Variants in SMYD3 observed in about 807,000 individuals in gnomAD.
SMYD3 encodes SET and MYND domain containing 3, also known as histone-lysine N-methyltransferase SMYD3.
Under a neutral mutation model 57.7 loss-of-function variants are expected in SMYD3, and 36 were observed. The ratio of observed to expected loss-of-function variants is 0.62; its 90% CI spans 0.48 to 0.82. The LOEUF is 0.82. Among genes scored for constraint, SMYD3 ranks in the 40% least tolerant of loss-of-function variants. The probability of loss-of-function intolerance (pLI) is 0.00; values close to 1 mark genes in which losing one functional copy is unlikely to be tolerated. For synonymous variants in SMYD3, 211 were observed against 195.0 expected, an observed-to-expected ratio of 1.08 and a Z score of -0.68; for missense variants, 515 against 538.8, an observed-to-expected ratio of 0.96 and a Z score of 0.44.
intron 5 of SMYD3, among the ~76,000 whole-genome samples, chr1:246,307,644 C>T (rs2065007779): frequency 6.6e-6 from 1 of 152,072 alleles, no homozygotes; most frequent in Admixed American, 6.5e-5. Context: ...TGGTCTCGAT[C>T]TCCTGACCTC....
chr1:245,855,283 ATG>A (rs2051181625), intron 10 of SMYD3, among the ~76,000 whole-genome samples: 2 of 150,800 alleles, frequency 1.3e-5, no homozygotes, highest in African/African-American at 4.9e-5. Context: ...TTTTAAAACA[ATG>A]TGCTCAATTT....
chr1:246,023,004 G>A (rs192019614), intron 5 of SMYD3, among the ~76,000 whole-genome samples: 2 of 152,276 alleles, frequency 1.3e-5, no homozygotes, highest in African/African-American at 2.4e-5. Flanking sequence ...TAGACTGTAC[G>A]ATTTTTAAGC....
At chr1:246,439,030 T>C (rs1179231955) in intron 1 of SMYD3, among the ~76,000 whole-genome samples, 1 of 147,454 alleles carries the variant, frequency 6.8e-6, no homozygotes, top group African/African-American at 2.5e-5. Flanking sequence ...TGGGGACCCC[T>C]GACTATGCTA....
chr1:246,174,746 C>T (rs778099522), intron 5 of SMYD3, among the ~76,000 whole-genome samples: 9 of 152,232 alleles, frequency 5.9e-5, no homozygotes, highest in Non-Finnish European at 1.2e-4. Context: ...TGCATGACTA[C>T]ATTTGTTTCT....
At chr1:246,442,850 G>C (rs2067490744) in intron 1 of SMYD3, among the ~76,000 whole-genome samples, 1 of 152,086 alleles carries the variant, frequency 6.6e-6, no homozygotes, top group Non-Finnish European at 1.5e-5. Context: ...TTGGGAGCCA[G>C]ACTCTGGTAA....
intron 5 of SMYD3, among the ~76,000 whole-genome samples, chr1:246,232,150 G>A (rs201816546): frequency 3.4e-5 from 4 of 116,124 alleles, no homozygotes; most frequent in Non-Finnish European, 7.2e-5. Flanking sequence ...AAATCCAATG[G>A]AAGCTCTTTT....
At chr1:246,481,666 A>ATATATATAAACTCATATATGAG (rs1473245325) in intron 1 of SMYD3, among the ~76,000 whole-genome samples, 8 of 140,726 alleles carry the variant, frequency 5.7e-5, no homozygotes, top group Non-Finnish European at 1.2e-4. Context: ...ATATATAATT[A>ATATATATAAACTCATATATGAG]TATATATAAA....
intron 10 of SMYD3, among the ~76,000 whole-genome samples, chr1:245,854,188 C>A (rs75990922): frequency 3.9e-5 from 6 of 152,134 alleles, no homozygotes; most frequent in Non-Finnish European, 5.9e-5. Context: ...TCAGAAACAA[C>A]GGAAGTCAAC....
intron 5 of SMYD3, among the ~76,000 whole-genome samples, chr1:246,034,174 G>C (rs2059729239): frequency 6.6e-6 from 1 of 152,212 alleles, no homozygotes; most frequent in African/African-American, 2.4e-5. Context: ...CATCCTAGTA[G>C]ATTTTTATTT....
chr1:245,985,530 A>C (rs1207143251), intron 5 of SMYD3, among the ~76,000 whole-genome samples: 2 of 152,104 alleles, frequency 1.3e-5, no homozygotes, highest in African/African-American at 2.4e-5. Flanking sequence ...CTTACGTCTC[A>C]AGCACAATCA....
At chr1:246,221,260 C>A (rs1195133602) in intron 5 of SMYD3, among the ~76,000 whole-genome samples, 4 of 152,146 alleles carry the variant, frequency 2.6e-5, no homozygotes, top group Non-Finnish European at 4.4e-5. Flanking sequence ...ACGGAGAGGA[C>A]CTGCCCACTG....
intron 7 of SMYD3, among the ~76,000 whole-genome samples, chr1:245,927,020 T>G (rs996936756): frequency 2.9e-4 from 44 of 152,336 alleles, no homozygotes; most frequent in African/African-American, 9.1e-4. Context: ...CAAAGCCAAA[T>G]CCCTGTCTAC....
At chr1:246,038,079 C>A (rs997604220) in intron 5 of SMYD3, among the ~76,000 whole-genome samples, 1 of 152,132 alleles carries the variant, frequency 6.6e-6, no homozygotes, top group East Asian at 1.9e-4. Flanking sequence ...CAGATATGGG[C>A]CTTGGGCTGT....
intron 1 of SMYD3, among the ~76,000 whole-genome samples, chr1:246,433,153 A>T (rs1006862835): frequency 4.6e-5 from 7 of 152,222 alleles, no homozygotes; most frequent in African/African-American, 1.7e-4. Flanking sequence ...TACAAAAATC[A>T]GCATTTCTAT....
At chr1:246,155,924 T>G (rs1402539928) in intron 5 of SMYD3, among the ~76,000 whole-genome samples, 1 of 152,094 alleles carries the variant, frequency 6.6e-6, no homozygotes, top group Non-Finnish European at 1.5e-5. Flanking sequence ...GAGGCTGAGG[T>G]TGCAATGAGC....
intron 5 of SMYD3, among the ~76,000 whole-genome samples, chr1:246,227,385 G>A (rs1041434941): frequency 5.3e-5 from 8 of 152,222 alleles, no homozygotes; most frequent in African/African-American, 1.9e-4. Flanking sequence ...GGAGGCCAAG[G>A]CAGGTGAATC....
intron 1 of SMYD3, among the ~76,000 whole-genome samples, chr1:246,496,178 A>G (rs1356974065): frequency 6.6e-6 from 1 of 151,720 alleles, no homozygotes; most frequent in African/African-American, 2.4e-5. Context: ...TTGGGATTAC[A>G]GGCGCACACC....
At chr1:246,294,918 C>T (rs2064764162) in intron 5 of SMYD3, among the ~76,000 whole-genome samples, 1 of 152,122 alleles carries the variant, frequency 6.6e-6, no homozygotes, top group Admixed American at 6.5e-5. Context: ...TTTCTGCCTA[C>T]AAATGTCTTC....
At chr1:246,485,608 C>G (rs12093310) in intron 1 of SMYD3, among the ~76,000 whole-genome samples, 3,811 of 150,896 alleles carry the variant, frequency 0.025, 176 homozygotes, top group African/African-American at 0.086. Flanking sequence ...ACAGTGAGAC[C>G]CCCCCCCACA....
Sources: allele counts gnomAD v4.1 joint callset (sites outside exome capture counted in the v4.1 genomes callset), GRCh38; gene constraint gnomAD v4.1.1; transcripts MANE v1.5; gene names NCBI Gene and HGNC (gene_info 2026-07-23, HGNC 2026-07-21).